NBAS: variants seen among roughly 807,000 people sequenced by gnomAD.
The protein encoded by NBAS is NAG/BC035112 fusion.
In NBAS, 219 loss-of-function variants were observed where a neutral mutation model predicts 302.5. The observed-to-expected ratio is 0.72, with a 90% CI of 0.65 to 0.81. The LOEUF (loss-of-function observed/expected upper bound fraction) is 0.81, where lower values mean the gene tolerates loss of function less well. Ranked by LOEUF, NBAS falls within the 30% of genes least tolerant of loss-of-function variation. NBAS has a pLI of 0.00. For synonymous variants in NBAS, 1,118 were observed against 1,021.6 expected (o/e 1.09, Z -1.80); for missense variants, 2,932 against 2,841.6 (o/e 1.03, Z -0.72).
At chr2:15,049,912 C>T in the NBAS span, among the ~76,000 whole-genome samples, 5 of 152,218 alleles carry the variant, frequency 3.3e-5, no homozygotes, top group Non-Finnish European at 7.3e-5. Flanking sequence ...TGTCCAGGTG[C>T]GCATGTCAAG....
rs559888340 is a variant in NBAS at position 15,467,508 on chromosome 2, T to A, written c.2019-101A>T. ...AATATTCCGTTGAGCCCAAAACTCA[T>A]GAAACAGTTCAGAAAAGCACAAGGG... On this transcript the variant is annotated intron_variant, in intron 18 of 51. Coordinates refer to ENST00000281513, the MANE Select transcript of NBAS (RefSeq NM_015909.4). 2.6e-4 allele frequency: 335 copies of A among 1,312,992 alleles called. 1 individual carries two copies. In the African/African-American group the frequency reaches 4.5e-3, roughly 18 times the overall value. The allele number at this position is 1,312,992 out of a possible 1,614,324, so 81.3% of individuals were successfully genotyped here. A position where few individuals can be genotyped will look rare whatever the true frequency, so the allele number is the denominator to read the frequency against.
chr2:14,788,994 G>A, the NBAS span, among the ~76,000 whole-genome samples: 2 of 152,230 alleles, frequency 1.3e-5, no homozygotes, highest in African/African-American at 4.8e-5. Context: ...CCCAGTTGGA[G>A]CTTCCTGGCT....
chr2:14,951,941 T>C, the NBAS span, among the ~76,000 whole-genome samples: 1 of 152,216 alleles, frequency 6.6e-6, no homozygotes, highest in African/African-American at 2.4e-5. Flanking sequence ...ATTCTAGATG[T>C]CCATGGAATC....
At chr2:15,126,666 A>G in the NBAS span, among the ~76,000 whole-genome samples, 2 of 152,192 alleles carry the variant, frequency 1.3e-5, no homozygotes, top group Middle Eastern at 3.2e-3. Context: ...GCAGCAAGAG[A>G]AAAGCCATCA....
chr2:15,535,800 C>T (rs567990612), intron 8 of NBAS, among the ~76,000 whole-genome samples: 58 of 152,162 alleles, frequency 3.8e-4, no homozygotes, highest in Non-Finnish European at 6.8e-4. Flanking sequence ...AAATGCAGAA[C>T]CCACAGATAC....
At chr2:14,907,852 G>A in the NBAS span, among the ~76,000 whole-genome samples, 1 of 152,214 alleles carries the variant, frequency 6.6e-6, no homozygotes, top group African/African-American at 2.4e-5. Flanking sequence ...CTTGCTGTGT[G>A]AGGACTCTCT....
At chr2:15,310,364 A>C (rs1403053940) in intron 38 of NBAS, among the ~76,000 whole-genome samples, 1 of 152,210 alleles carries the variant, frequency 6.6e-6, no homozygotes, top group Non-Finnish European at 1.5e-5. Context: ...ATGTTATCCG[A>C]ACCTTAGGAA....
chr2:15,500,502 TCACACACA>T (rs72095633), intron 11 of NBAS, among the ~76,000 whole-genome samples: 208 of 136,232 alleles, frequency 1.5e-3, no homozygotes, highest in Middle Eastern at 3.6e-3. Context: ...TTTAGAAGTC[TCACACACA>T]CACACACACA....
chr2:15,467,464 A>G, intron 18 of NBAS, 57 bp from the exon 19 acceptor site: 1 of 1,465,158 alleles, frequency 6.8e-7, no homozygotes, highest in Non-Finnish European at 9.6e-7. Context: ...TTTCTCTAGG[A>G]GTTATAATGA....
At chr2:15,011,922 T>G in the NBAS span, among the ~76,000 whole-genome samples, 1 of 152,118 alleles carries the variant, frequency 6.6e-6, no homozygotes, top group Non-Finnish European at 1.5e-5. Context: ...TGAATGAGTA[T>G]TTTCCTAAAA....
intron 35 of NBAS, among the ~76,000 whole-genome samples, chr2:15,338,295 T>G (rs1672684160): frequency 6.6e-6 from 1 of 152,168 alleles, no homozygotes; most frequent in Non-Finnish European, 1.5e-5. Flanking sequence ...GGATTACAAA[T>G]AGTTTAGGTT....
the NBAS span, among the ~76,000 whole-genome samples, chr2:14,815,298 A>T: frequency 6.6e-6 from 1 of 152,220 alleles, no homozygotes; most frequent in Admixed American, 6.5e-5. Flanking sequence ...GTGTGAAAAC[A>T]TTGGCCCAAA....
At chr2:15,332,267 G>A (rs1160892116) in intron 35 of NBAS, among the ~76,000 whole-genome samples, 1 of 152,148 alleles carries the variant, frequency 6.6e-6, no homozygotes, top group Admixed American at 6.5e-5. Flanking sequence ...GCCTTGTGTG[G>A]CTCTAAGAAG....
At chr2:15,386,748 T>A (rs1316716452) in intron 28 of NBAS, among the ~76,000 whole-genome samples, 1 of 152,358 alleles carries the variant, frequency 6.6e-6, no homozygotes, top group East Asian at 1.9e-4. Context: ...TTAGTTTCTT[T>A]ATTGACCATT....
At chr2:15,092,284 G>C in the NBAS span, among the ~76,000 whole-genome samples, 5 of 152,174 alleles carry the variant, frequency 3.3e-5, no homozygotes, top group Non-Finnish European at 5.9e-5. Flanking sequence ...CTGCAGAGCT[G>C]GTGGTGAGTC....
At chr2:15,168,202 C>A (rs6431685) in intron 51 of NBAS, among the ~76,000 whole-genome samples, 85,128 of 152,090 alleles carry the variant, frequency 0.56, 26,493 homozygotes, top group African/African-American at 0.82. Flanking sequence ...GTTACTGTGC[C>A]TTTTTAATAA....
the NBAS span, among the ~76,000 whole-genome samples, chr2:14,820,430 C>T: frequency 6.6e-6 from 1 of 152,138 alleles, no homozygotes; most frequent in Admixed American, 6.5e-5. Context: ...ACAAACATCA[C>T]ATGTTCTCAC....
At chr2:15,141,690 GTTTTGTTTTGTT>G in the NBAS span, among the ~76,000 whole-genome samples, 1 of 152,032 alleles carries the variant, frequency 6.6e-6, no homozygotes, top group African/African-American at 2.4e-5. Flanking sequence ...ATTTTGTTTT[GTTTTGTTTTGTT>G]TTTTGTTTTT....
At chr2:15,376,286 A>G (rs1214363886) in intron 30 of NBAS, among the ~76,000 whole-genome samples, 1 of 152,178 alleles carries the variant, frequency 6.6e-6, no homozygotes, top group East Asian at 1.9e-4. Flanking sequence ...CACACAGGGC[A>G]TGTTTGTGAA....
Sources: allele counts gnomAD v4.1 joint callset (sites outside exome capture counted in the v4.1 genomes callset), GRCh38; gene constraint gnomAD v4.1.1; transcripts MANE v1.5; gene names NCBI Gene and HGNC (gene_info 2026-07-23, HGNC 2026-07-21).